Variants in FYB1 observed in about 807,000 individuals in gnomAD.
FYB1 encodes the protein FYN binding protein 1.
Under a neutral mutation model 94.1 loss-of-function variants are expected in FYB1, and 41 were observed. That is an observed-to-expected ratio of 0.44 (90% CI 0.34 to 0.57). FYB1 has a LOEUF of 0.57. FYB1 is among the 20% of genes least tolerant of loss of function. The pLI is 0.02. For synonymous variants in FYB1, 367 were observed against 353.2 expected, an observed-to-expected ratio of 1.04 and a Z score of -0.44; for missense variants, 1,050 against 976.8, an observed-to-expected ratio of 1.07 and a Z score of -1.00.
chr5:39,183,432 C>A (rs1480198964), intron 2 of FYB1, among the ~76,000 whole-genome samples: 1 of 152,144 alleles, frequency 6.6e-6, no homozygotes, highest in African/African-American at 2.4e-5. Flanking sequence ...TAGAGAAGCA[C>A]TGGGTAGAGT....
chr5:39,211,699 T>C (rs1319123506), intron 1 of FYB1, among the ~76,000 whole-genome samples: 1 of 152,202 alleles, frequency 6.6e-6, no homozygotes, highest in Non-Finnish European at 1.5e-5. Flanking sequence ...AAATCTTTGA[T>C]GTCTGGGAAA....
chr5:39,197,639 C>A (rs956618345), intron 2 of FYB1, among the ~76,000 whole-genome samples: 1 of 152,236 alleles, frequency 6.6e-6, no homozygotes, highest in African/African-American at 2.4e-5. Flanking sequence ...TCGAAAACTG[C>A]CTTTGATAAT....
intron 1 of FYB1, among the ~76,000 whole-genome samples, chr5:39,209,924 T>A (rs260085): frequency 0.79 from 119,520 of 152,180 alleles, 49,680 homozygotes; most frequent in Non-Finnish European, 0.93. Context: ...ACTTGCCAAT[T>A]GAATATCTAT....
At position 39,153,526 on chromosome 5, in the gene FYB1, G is replaced by T; in HGVS notation, c.1214C>A (p.Pro405Gln). 1 of 1,613,928 alleles carries T rather than the reference G, an allele frequency of 6.2e-7. No individual in the cohort carries two copies. Among genetic ancestry groups the T allele is most frequent in the Non-Finnish European group, 8.5e-7 (1 of 1,179,858 alleles). ...PPPSHPASQPPLPASHPSQPP... is the reference protein window; with the variant it reads ...PPPSHPASQPQLPASHPSQPP... Reference sequence around the variant, plus strand: ...TTGTGATGGGTGAGATGCTGGCAATGGTGGTTGGCTGGCCGGATGGGATGG... The same window carrying T: ...TTGTGATGGGTGAGATGCTGGCAATTGTGGTTGGCTGGCCGGATGGGATGG... Residue 405 changes from proline (P) to glutamine (Q), a missense_variant, in exon 3 of 19, where the codon CCA (proline) becomes CAA (glutamine). Pro to Gln is a moderately conservative substitution (Grantham distance 76). Transcript: ENST00000512982.
chr5:39,137,900 C>T, intron 6 of FYB1, 180 bp from the exon 7 acceptor site: 1 of 709,292 alleles, frequency 1.4e-6, no homozygotes, highest in African/African-American at 1.8e-5. Flanking sequence ...CAGTAGGAGG[C>T]ACACTGCTGA....
chr5:39,218,129 T>C (rs541515331), intron 1 of FYB1, among the ~76,000 whole-genome samples: 4 of 152,346 alleles, frequency 2.6e-5, no homozygotes. Flanking sequence ...AGTCAGGCAG[T>C]GTGGATTTCA....
chr5:39,197,176 T>C (rs920160214), intron 2 of FYB1, among the ~76,000 whole-genome samples: 3 of 152,160 alleles, frequency 2.0e-5, no homozygotes, highest in African/African-American at 7.2e-5. Flanking sequence ...CAAGAAAAAA[T>C]AGTCTTTTTG....
chr5:39,178,117 G>C (rs1392273664), intron 2 of FYB1, among the ~76,000 whole-genome samples: 1 of 152,132 alleles, frequency 6.6e-6, no homozygotes, highest in Non-Finnish European at 1.5e-5. Flanking sequence ...GATATTTTGG[G>C]AGAAAGAACA....
At chr5:39,219,888 G>C (rs1030885521), upstream of FYB1, among the ~76,000 whole-genome samples, 1 of 152,120 alleles carries the variant, frequency 6.6e-6, no homozygotes, top group African/African-American at 2.4e-5. Flanking sequence ...CCTGCAATGG[G>C]GGCCAAAGGG....
chr5:39,115,559 T>TG (rs1313203840), intron 16 of FYB1, among the ~76,000 whole-genome samples: 1 of 152,114 alleles, frequency 6.6e-6, no homozygotes. Context: ...GGTAACATTG[T>TG]GGGGAAGTTG....
At position 39,208,507 on chromosome 5, in the gene FYB1, T is replaced by C. The variant is rs371305171; in HGVS notation, c.-27-5520A>G. 4.7e-4 allele frequency among the ~76,000 whole-genome samples: 72 copies of C among 152,312 alleles called. 1 individual carries two copies. In the South Asian group the frequency reaches 7.7e-3, roughly 16 times the overall value. ...ATAAAGTCGTTTGTTACCCATGACT[T>C]ACTTATTCGGTCTCAACTGCTGGTT... On this transcript the variant is annotated intron_variant, in intron 1 of 18. Coordinates refer to ENST00000512982, the MANE Select transcript of FYB1 (RefSeq NM_001465.6).
chr5:39,193,673 A>G (rs935136148), intron 2 of FYB1, among the ~76,000 whole-genome samples: 7 of 152,164 alleles, frequency 4.6e-5, no homozygotes, highest in Admixed American at 3.9e-4. Context: ...TGGGAAGGTC[A>G]AGGAAAATCC....
At position 39,107,285 on chromosome 5, in the gene FYB1, C is replaced by T. The variant is rs1431861666; in HGVS notation, c.*158G>A. On this transcript the variant is annotated 3_prime_UTR_variant, in exon 19 of 19. Transcript: ENST00000512982. The stretch of plus-strand genomic sequence containing the variant: ...AAGCAGAGAGATTATTTTCTATGTT[C>T]AAACTTTAAACACTTTGTAAAGATA... 1 of 444,408 alleles carries T rather than the reference C, an allele frequency of 2.3e-6. No individual in the cohort carries two copies. Among genetic ancestry groups the T allele is most frequent in the Non-Finnish European group, 4.1e-6 (1 of 246,534 alleles). 27.5% of individuals were successfully genotyped at this position (444,408 alleles called of 1,614,324 possible). A position where few individuals can be genotyped will look rare whatever the true frequency, so the allele number is the denominator to read the frequency against.
chr5:39,172,553 CTCA>C (rs755408200), intron 2 of FYB1, among the ~76,000 whole-genome samples: 3 of 152,178 alleles, frequency 2.0e-5, no homozygotes, highest in Non-Finnish European at 4.4e-5. Context: ...TCCCAGTGAT[CTCA>C]TCACTCAACC....
intron 2 of FYB1, among the ~76,000 whole-genome samples, chr5:39,175,629 C>T (rs1324529357): frequency 6.6e-6 from 1 of 152,168 alleles, no homozygotes; most frequent in African/African-American, 2.4e-5. Context: ...TGGAATGTTT[C>T]TGAGAGATTT....
chr5:39,264,014 G>T (rs540036232), intron 1 of FYB1, among the ~76,000 whole-genome samples: 2 of 152,294 alleles, frequency 1.3e-5, no homozygotes, highest in Admixed American at 6.5e-5. Context: ...CAAGATGATG[G>T]TATTAGAAGG....
chr5:39,232,283 A>ATT (rs1750777455), intron 1 of FYB1, among the ~76,000 whole-genome samples: 1 of 152,146 alleles, frequency 6.6e-6, no homozygotes, highest in African/African-American at 2.4e-5. Flanking sequence ...TGGCATCAGT[A>ATT]GCCCATATTA....
intron 8 of FYB1, among the ~76,000 whole-genome samples, 167 bp from the exon 9 acceptor site, chr5:39,134,516 G>T (rs1741487600): frequency 6.6e-6 from 1 of 152,152 alleles, no homozygotes; most frequent in African/African-American, 2.4e-5. Flanking sequence ...ACTGTACTCT[G>T]TCAAAGTCTA....
At chr5:39,136,640 G>T (rs1312884315) in intron 7 of FYB1, among the ~76,000 whole-genome samples, 1 of 152,142 alleles carries the variant, frequency 6.6e-6, no homozygotes, top group Non-Finnish European at 1.5e-5. Context: ...GAGAAGTTAA[G>T]TGAGAAGCCC....
Sources: allele counts gnomAD v4.1 joint callset (sites outside exome capture counted in the v4.1 genomes callset), GRCh38; gene constraint gnomAD v4.1.1; transcripts MANE v1.5; gene names NCBI Gene and HGNC (gene_info 2026-07-23, HGNC 2026-07-21).